CSMD1: variants seen among roughly 807,000 people sequenced by gnomAD.
CSMD1 encodes CUB and sushi domain-containing protein 1.
A neutral mutation model predicts 417.5 loss-of-function variants in CSMD1; 213 were observed. The observed-to-expected ratio is 0.51, with a 90% CI of 0.46 to 0.57. The LOEUF (loss-of-function observed/expected upper bound fraction) is 0.57, where lower values mean the gene tolerates loss of function less well. Among genes scored for constraint, CSMD1 ranks in the 20% least tolerant of loss-of-function variants. The probability of loss-of-function intolerance (pLI) is 0.00; values close to 1 mark genes in which losing one functional copy is unlikely to be tolerated. For missense variants in CSMD1, 6,923 were observed against 4,529.7 expected (o/e 1.53, Z -15.17); for synonymous variants, 2,862 against 1,736.8 (o/e 1.65, Z -16.11).
rs1812859794 is a variant in CSMD1, at chr8:3,065,302, GGTAGA to G, written c.7475-12660_7475-12656del. 4.5e-5 allele frequency among the ~76,000 whole-genome samples: 6 copies of G among 132,830 alleles called. No homozygotes were observed. The South Asian group carries it at 1.1e-3, about 24-fold the overall frequency. The allele number at this position is 132,830 out of a possible 152,430, so 87.1% of individuals were successfully genotyped here. ...TGATACATAGATAGATAGATAGATA[GGTAGA>G]TAGATAGATAGACAGACAGACAACA... On this transcript the variant is annotated intron_variant, in intron 49 of 69. Coordinates refer to ENST00000635120, the MANE Select transcript of CSMD1 (RefSeq NM_033225.6).
At chr8:3,397,706 G>C (rs1811788526) in intron 16 of CSMD1, among the ~76,000 whole-genome samples, 1 of 152,198 alleles carries the variant, frequency 6.6e-6, no homozygotes, top group South Asian at 2.1e-4. Flanking sequence ...TGCTGAAGTT[G>C]TCCTATCCTG....
intron 1 of CSMD1, among the ~76,000 whole-genome samples, chr8:4,733,182 G>C (rs1810014865): frequency 6.6e-6 from 1 of 152,118 alleles, no homozygotes. Context: ...ACTGAAAAAA[G>C]CGAAACCATG....
intron 3 of CSMD1, among the ~76,000 whole-genome samples, chr8:4,186,196 A>G (rs1353147137): frequency 6.6e-6 from 1 of 152,160 alleles, no homozygotes; most frequent in Non-Finnish European, 1.5e-5. Flanking sequence ...TCCAGAGAAC[A>G]TTGTGGAACA....
intron 5 of CSMD1, among the ~76,000 whole-genome samples, chr8:3,794,920 C>G (rs972544059): frequency 1.3e-4 from 19 of 151,696 alleles, no homozygotes; most frequent in African/African-American, 4.6e-4. Flanking sequence ...CCATTTTCAT[C>G]TTTTCTAACC....
intron 1 of CSMD1, among the ~76,000 whole-genome samples, chr8:4,861,953 A>G (rs945545411): frequency 1.3e-5 from 2 of 152,132 alleles, no homozygotes; most frequent in Non-Finnish European, 2.9e-5. Flanking sequence ...ACAAATATAA[A>G]TAAATATATA....
At chr8:3,639,276 T>A (rs1797191995) in intron 7 of CSMD1, among the ~76,000 whole-genome samples, 3 of 152,220 alleles carry the variant, frequency 2.0e-5, no homozygotes, top group Non-Finnish European at 2.9e-5. Flanking sequence ...GCTATTTGAA[T>A]AATATACTTT....
chr8:3,659,674 C>G (rs1798311536), intron 7 of CSMD1, among the ~76,000 whole-genome samples: 1 of 152,122 alleles, frequency 6.6e-6, no homozygotes, highest in South Asian at 2.1e-4. Context: ...ACTGCTGTTT[C>G]TGTTAACAAT....
chr8:3,797,131 C>G (rs575488015), intron 5 of CSMD1, among the ~76,000 whole-genome samples: 2 of 151,806 alleles, frequency 1.3e-5, no homozygotes, highest in African/African-American at 2.4e-5. Context: ...ATGAAGTATA[C>G]TAATAAAATA....
intron 2 of CSMD1, among the ~76,000 whole-genome samples, chr8:4,458,121 T>C (rs1799596939): frequency 6.9e-6 from 1 of 144,678 alleles, no homozygotes; most frequent in Non-Finnish European, 1.5e-5. Context: ...TGAAACTTTC[T>C]GTGTTTAAAT....
intron 5 of CSMD1, among the ~76,000 whole-genome samples, chr8:3,888,530 T>C (rs377688447): frequency 6.6e-6 from 1 of 152,232 alleles, no homozygotes; most frequent in Non-Finnish European, 1.5e-5. Context: ...CTCCCCCATC[T>C]GACCTTGTCA....
intron 7 of CSMD1, among the ~76,000 whole-genome samples, chr8:3,705,441 T>G (rs749457170): frequency 1.3e-5 from 2 of 152,166 alleles, no homozygotes; most frequent in Admixed American, 6.5e-5. Context: ...CAGCACTGGA[T>G]GAAAACTTCT....
chr8:3,308,314 A>G lies in CSMD1; in HGVS notation c.3821T>C (p.Ile1274Thr). 1 of 1,604,720 alleles carries G rather than the reference A, an allele frequency of 6.2e-7. No individual in the cohort carries two copies. Residue 1274 changes from isoleucine to threonine, a missense_variant and splice_region_variant, in exon 24 of 70, where the codon ATA becomes ACA. Transcript: ENST00000635120. ...GGTATGACTGCTTCCACACTCACCT[A>G]TGCACGAAGGTAGTGGTTTGTCCCA... ...RVWDKPLPSC[I>T]AECGGQIHAA...
intron 26 of CSMD1, among the ~76,000 whole-genome samples, chr8:3,235,482 T>C (rs1239979788): frequency 2.6e-5 from 4 of 152,178 alleles, no homozygotes; most frequent in East Asian, 1.9e-4. Flanking sequence ...TCAAATGAGA[T>C]TGGCAAATAC....
chr8:3,014,302 G>A (rs1201958616), intron 52 of CSMD1, among the ~76,000 whole-genome samples: 1 of 152,112 alleles, frequency 6.6e-6, no homozygotes, highest in Non-Finnish European at 1.5e-5. Flanking sequence ...AACTATATTA[G>A]TTCTATGTGA....
At chr8:4,055,740 C>G (rs1019574900) in intron 3 of CSMD1, among the ~76,000 whole-genome samples, 1 of 152,092 alleles carries the variant, frequency 6.6e-6, no homozygotes, top group Admixed American at 6.6e-5. Flanking sequence ...CTGTCATCCA[C>G]AACAGAATGA....
At chr8:3,096,804 C>T in intron 47 of CSMD1, 45 bp downstream of exon 47, 1 of 1,200,926 alleles carries the variant, frequency 8.3e-7, no homozygotes, top group South Asian at 1.6e-5. Flanking sequence ...GTGTTTTTAT[C>T]AATGATGCCG....
intron 1 of CSMD1, among the ~76,000 whole-genome samples, chr8:4,786,828 C>A (rs918472778): frequency 5.9e-5 from 9 of 152,100 alleles, no homozygotes; most frequent in African/African-American, 1.2e-4. Flanking sequence ...CTGAGGTCTA[C>A]ACAATTCAGA....
intron 1 of CSMD1, among the ~76,000 whole-genome samples, chr8:4,950,281 G>A (rs1475552283): frequency 6.6e-6 from 1 of 151,974 alleles, no homozygotes; most frequent in East Asian, 1.9e-4. Flanking sequence ...ATTACTTTAT[G>A]GTTAATTCTG....
At chr8:3,570,058 G>T (rs569705548) in intron 10 of CSMD1, among the ~76,000 whole-genome samples, 4 of 152,050 alleles carry the variant, frequency 2.6e-5, no homozygotes, top group Non-Finnish European at 5.9e-5. Flanking sequence ...TCTAAAAGGA[G>T]AGAAGAGAAT....
Sources: gnomAD v4.1 joint callset for allele counts (sites outside exome capture counted in the v4.1 genomes callset) on GRCh38, gnomAD v4.1.1 for gene constraint, MANE v1.5 for transcripts, NCBI Gene and HGNC (gene_info 2026-07-23, HGNC 2026-07-21) for gene names.